The following CES3 variants were observed in gnomAD, a reference collection of about 807,000 sequenced individuals.
CES3 encodes the protein carboxylesterase 3.
Under a neutral mutation model 57.6 loss-of-function variants are expected in CES3, and 49 were observed. That is an observed-to-expected ratio of 0.85 (90% CI 0.68 to 1.08). The LOEUF (loss-of-function observed/expected upper bound fraction) is 1.08, where lower values mean the gene tolerates loss of function less well. CES3 is among the 50% of genes least tolerant of loss of function. The probability of loss-of-function intolerance (pLI) is 0.00; values close to 1 mark genes in which losing one functional copy is unlikely to be tolerated. For missense variants in CES3, 645 were observed against 742.0 expected, an observed-to-expected ratio of 0.87 and a Z score of 1.52; for synonymous variants, 266 against 281.6, an observed-to-expected ratio of 0.94 and a Z score of 0.55.
rs538055558 is a variant in CES3, at chr16:66,973,365, G to C, written c.*316G>C. The C allele has an allele frequency of 3.5e-6, 1 of 288,782 alleles. No homozygotes were observed. Among genetic ancestry groups the C allele is most frequent in the Non-Finnish European group, 6.6e-6 (1 of 150,854 alleles). 17.9% of individuals were successfully genotyped at this position (288,782 alleles called of 1,614,324 possible). A position where few individuals can be genotyped will look rare whatever the true frequency, so the allele number is the denominator to read the frequency against. On this transcript the variant is annotated 3_prime_UTR_variant, in exon 13 of 13. Transcript: ENST00000303334. ...CTTCCCTGCCTTCTCTGGGCTGTGCGGCCCCGAGTCTGCGTCCATTAGAGC... is the reference window on the plus strand; with the variant it reads ...CTTCCCTGCCTTCTCTGGGCTGTGCCGCCCCGAGTCTGCGTCCATTAGAGC...
In CES3 at chr16:66,973,112, A is replaced by G. The variant is rs1346441940; in HGVS notation, c.*63A>G. On this transcript the variant is annotated 3_prime_UTR_variant, in exon 13 of 13. Transcript: ENST00000303334. ...CTTCAAGTGGTGGCAGAGTCCCAGC[A>G]CGGCAGCCCGCCTCTCCCCCTGCTG... 4 of 1,471,060 alleles carry G rather than the reference A, an allele frequency of 2.7e-6. No individual in the cohort carries two copies. The highest frequency in any genetic ancestry group is 1.4e-5 in the African/African-American group (1 of 71,456). The allele number at this position is 1,471,060 out of a possible 1,614,324, so 91.1% of individuals were successfully genotyped here. A position where few individuals can be genotyped will look rare whatever the true frequency, so the allele number is the denominator to read the frequency against.
intron 6 of CES3, 33 bp downstream of exon 6, chr16:66,964,760 G>A: frequency 1.9e-6 from 3 of 1,576,262 alleles, no homozygotes; most frequent in Non-Finnish European, 2.6e-6. Flanking sequence ...TACTCTATGT[G>A]TGCCTCCCAT....
In CES3 at chr16:66,964,677, G is replaced by C; in HGVS notation, c.769G>C (p.Val257Leu). The change falls in exon 6 of 13, where the codon GTC becomes CTC. Residue 257 changes from valine to leucine, a missense_variant. Transcript: ENST00000303334. ...CCACAGAGCCATCACACAGAGTGGG[G>C]TCATCACCACCCCAGGGATCATCGA... ...LFHRAITQSG[V>L]ITTPGIIDSH... 6.2e-7 allele frequency: 1 copy of C among 1,614,068 alleles called. No individual in the cohort carries two copies.
chr16:66,967,608 G>A, intron 8 of CES3: 1 of 984,898 alleles, frequency 1.0e-6, no homozygotes, highest in Non-Finnish European at 1.2e-6. Context: ...TCAGCACTGT[G>A]CTTTCATCCC....
chr16:66,968,050 C>A (rs1963764459), intron 8 of CES3, among the ~76,000 whole-genome samples: 1 of 152,204 alleles, frequency 6.6e-6, no homozygotes, highest in Admixed American at 6.5e-5. Flanking sequence ...TGAGCCACAG[C>A]ACCCAGCCAA....
In CES3 at chr16:66,966,866, G is replaced by A. The variant is rs373314411; in HGVS notation, c.1062+1G>A. The A allele has an allele frequency of 2.5e-6, 4 of 1,613,924 alleles. No homozygotes were observed. Among genetic ancestry groups the A allele is most frequent in the East Asian group, 2.2e-5 (1 of 44,878 alleles). ...TGAGTTCAGCTGGCTCATCCCCAGG[G>A]TGAGTTGCTCCCACCCCTGTGCCCT... On this transcript the variant is annotated splice_donor_variant, in intron 8 of 12. Coordinates refer to ENST00000303334, the MANE Select transcript of CES3 (RefSeq NM_024922.6). LOFTEE classifies it high-confidence loss of function.
chr16:66,969,480 C>T (rs552950839), intron 8 of CES3, among the ~76,000 whole-genome samples, 199 bp from the exon 9 acceptor site: 2 of 152,342 alleles, frequency 1.3e-5, no homozygotes, highest in East Asian at 1.9e-4. Flanking sequence ...TTTGGGGCTG[C>T]TCTCCCCATC....
At position 66,972,425 on chromosome 16, in the gene CES3, C is replaced by T; in HGVS notation, c.1361C>T (p.Ala454Val). 1 of 1,613,950 alleles carries T rather than the reference C, an allele frequency of 6.2e-7. No individual in the cohort carries two copies. The highest frequency in any genetic ancestry group is 8.5e-7 in the Non-Finnish European group (1 of 1,179,954). ...AGTTCTTTTGCGAAGATCAAACCTGCCTGGGTGAAGGCTGATCATGGGGCC... is the reference window on the plus strand; with the variant it reads ...AGTTCTTTTGCGAAGATCAAACCTGTCTGGGTGAAGGCTGATCATGGGGCC... ...RPSSFAKIKPAWVKADHGAEG... is the reference protein window; with the variant it reads ...RPSSFAKIKPVWVKADHGAEG... The change falls in exon 11 of 13, where the codon GCC becomes GTC. Residue 454 changes from alanine to valine, a missense_variant. Coordinates refer to ENST00000303334, the MANE Select transcript of CES3 (RefSeq NM_024922.6).
chr16:66,964,272 C>A (rs1040956646), intron 4 of CES3, 85 bp from the exon 5 acceptor site: 3 of 1,543,430 alleles, frequency 1.9e-6, no homozygotes, highest in African/African-American at 2.7e-5. Flanking sequence ...AAGGGTCTGG[C>A]ATCCTGGTGG....
chr16:66,972,714 G>C lies in CES3; in HGVS notation c.1488G>C (p.Met496Ile). 6.2e-7 allele frequency: 1 copy of C among 1,614,208 alleles called. No homozygotes were observed. The highest frequency in any genetic ancestry group is 8.5e-7 in the Non-Finnish European group (1 of 1,180,042). ...AGGAGAAGCAGCTAAGCCTCACCAT[G>C]ATGGCCCAGTGGACCCACTTTGCCC... Reference protein sequence around the residue: ...TEEEKQLSLTMMAQWTHFART... With the variant: ...TEEEKQLSLTIMAQWTHFART... Residue 496 changes from methionine (M) to isoleucine (I), a missense_variant, in exon 12 of 13, where the codon ATG (methionine) becomes ATC (isoleucine). Coordinates refer to ENST00000303334, the MANE Select transcript of CES3 (RefSeq NM_024922.6).
chr16:66,966,962 C>A, intron 8 of CES3, 97 bp downstream of exon 8: 2 of 1,395,716 alleles, frequency 1.4e-6, no homozygotes, highest in Non-Finnish European at 2.0e-6. Context: ...GGAGCACTCC[C>A]GTTACTCCCA....
In CES3 at chr16:66,964,706, T is replaced by G; in HGVS notation, c.798T>G (p.Ser266=). ...TCACCACCCCAGGGATCATCGACTC[T>G]CACCCTTGGCCCCTAGCTCAGGTCT... ...GVITTPGIID[S]HPWPLAQKIA... is the part of the protein sequence containing the mutation. Residue 266 remains serine, a synonymous_variant, in exon 6 of 13, where the codon TCT becomes TCG. Transcript: ENST00000303334. 6.2e-7 allele frequency: 1 copy of G among 1,614,004 alleles called. No individual in the cohort carries two copies. The highest frequency in any genetic ancestry group is 8.5e-7 in the Non-Finnish European group (1 of 1,179,934).
chr16:66,963,019 G>A lies in CES3; in HGVS notation c.83-160G>A, dbSNP rs778682801. ...TGACTCTCAGGCAGGCAGGGAGGAG[G>A]AAGTTGGGCGTCAACCTAAGACCAG... is the stretch of plus-strand genomic sequence containing the variant. On this transcript the variant is annotated intron_variant, in intron 1 of 12. Transcript: ENST00000303334. This position sits in a 1 kb window ranked among gnomAD's most constrained non-coding sequence, Gnocchi z 4.9. 2.7e-4 allele frequency: 209 copies of A among 770,894 alleles called. No homozygotes were observed. The highest frequency in any genetic ancestry group is 4.3e-4 in the Non-Finnish European group (193 of 447,362). The allele number at this position is 770,894 out of a possible 1,614,324, so 47.8% of individuals were successfully genotyped here. A position where few individuals can be genotyped will look rare whatever the true frequency, so the allele number is the denominator to read the frequency against.
At chr16:66,965,917 G>A (rs1211066130) in intron 6 of CES3, among the ~76,000 whole-genome samples, 3 of 152,154 alleles carry the variant, frequency 2.0e-5, no homozygotes, top group African/African-American at 7.2e-5. Context: ...TCCAGCCTGG[G>A]CGACAGAGCG....
At chr16:66,961,760 C>T (rs1309487309) in intron 1 of CES3, among the ~76,000 whole-genome samples, 2 of 152,076 alleles carry the variant, frequency 1.3e-5, no homozygotes, top group African/African-American at 4.8e-5. Context: ...GATGGGGTTT[C>T]ACCATGTGGG....
Position 66,961,513 on chromosome 16 carries a change from G to A in CES3, c.82+124G>A, listed in dbSNP as rs781722818. On this transcript the variant is annotated intron_variant, in intron 1 of 12. Transcript: ENST00000303334. Reference sequence around the variant, plus strand: ...CCTGTTTGGAGGCAGACCAGGGGTTGTGCATTCTCTCTGGGCAGGCGCTCT... The same window carrying A: ...CCTGTTTGGAGGCAGACCAGGGGTTATGCATTCTCTCTGGGCAGGCGCTCT... 2.3e-4 allele frequency: 163 copies of A among 723,766 alleles called. 2 individuals are homozygous for A. The Middle Eastern group carries it at 3.1e-3, about 14-fold the overall frequency. 44.8% of individuals were successfully genotyped at this position (723,766 alleles called of 1,614,324 possible). A position where few individuals can be genotyped will look rare whatever the true frequency, so the allele number is the denominator to read the frequency against.
intron 5 of CES3, 25 bp from the exon 6 acceptor site, chr16:66,964,598 C>T (rs746577799): frequency 1.2e-6 from 2 of 1,612,730 alleles, no homozygotes; most frequent in South Asian, 1.1e-5. Context: ...CTCTGACAGC[C>T]ACCTCCTCTC....
chr16:66,964,794 G>C, intron 6 of CES3, 67 bp downstream of exon 6: 3 of 1,347,522 alleles, frequency 2.2e-6, no homozygotes, highest in Non-Finnish European at 3.1e-6. Context: ...CTGGCCCTGG[G>C]GTCTCAGAGT....
At chr16:66,968,606 A>G (rs1420701239) in intron 8 of CES3, among the ~76,000 whole-genome samples, 1 of 152,170 alleles carries the variant, frequency 6.6e-6, no homozygotes, top group African/African-American at 2.4e-5. Context: ...GGCTCATGCA[A>G]TCTTGACATT....
Sources: allele counts gnomAD v4.1 joint callset (sites outside exome capture counted in the v4.1 genomes callset), GRCh38; gene constraint gnomAD v4.1.1; non-coding constraint Gnocchi (gnomAD v3.1); transcripts MANE v1.5; gene names NCBI Gene and HGNC (gene_info 2026-07-23, HGNC 2026-07-21).